The following ACSBG1 variants were observed in gnomAD, a reference collection of about 807,000 sequenced individuals.
The protein encoded by ACSBG1 is acyl-CoA synthetase bubblegum family member 1.
In ACSBG1, 39 loss-of-function variants were observed where a neutral mutation model predicts 80.2. That is an observed-to-expected ratio of 0.49 (90% confidence interval 0.38 to 0.64). The LOEUF (loss-of-function observed/expected upper bound fraction) is 0.64. ACSBG1 is among the 30% of genes least tolerant of loss of function. ACSBG1 has a pLI of 0.00. For missense variants in ACSBG1, 828 were observed against 966.4 expected (o/e 0.86, Z 1.90); for synonymous variants, 392 against 379.5 (o/e 1.03, Z -0.38).
At position 78,230,529 on chromosome 15, in the gene ACSBG1, G is replaced by A. The variant is rs149440235; in HGVS notation, c.131+3842C>T. On this transcript the variant is annotated intron_variant, in intron 1 of 13. Transcript: ENST00000258873. ...CCACAAGGTCAGGGCAAACGGGCAGGACTGAGATAGAGCCCTTCTGATATG... is the reference window on the plus strand; with the variant it reads ...CCACAAGGTCAGGGCAAACGGGCAGAACTGAGATAGAGCCCTTCTGATATG... Among the ~76,000 whole-genome samples, 47 of 152,352 alleles carry A rather than the reference G, an allele frequency of 3.1e-4. 1 individual carries two copies. The East Asian group carries it at 9.1e-3, about 29-fold the overall frequency.
intron 3 of ACSBG1, 145 bp from the exon 4 acceptor site, chr15:78,194,165 G>A: frequency 2.5e-6 from 2 of 787,086 alleles, no homozygotes; most frequent in Non-Finnish European, 4.2e-6. Flanking sequence ...CCTTGGAGGA[G>A]AAGGGGTTGG....
intron 1 of ACSBG1, among the ~76,000 whole-genome samples, chr15:78,230,800 A>T (rs1297177032): frequency 6.6e-6 from 1 of 152,096 alleles, no homozygotes; most frequent in Non-Finnish European, 1.5e-5. Flanking sequence ...AGCCACATGG[A>T]ACTGTAAGTC....
chr15:78,212,512 G>A (rs1306901456), intron 1 of ACSBG1: 1 of 455,058 alleles, frequency 2.2e-6, no homozygotes, highest in African/African-American at 2.0e-5. Context: ...TGGCTGCGGG[G>A]CAGGAGGCGG....
chr15:78,180,920 G>A lies in ACSBG1; in HGVS notation c.1088C>T (p.Thr363Met), dbSNP rs756551163. The change falls in exon 9 of 14, where the codon ACG becomes ATG. Residue 363 changes from threonine (T) to methionine (M), a missense_variant. Thr to Met is a moderately conservative substitution (Grantham distance 81). This residue lies in a region of ACSBG1 where 271 missense variants were observed against 375.9 expected (regional missense o/e 0.72). Coordinates refer to ENST00000258873, the MANE Select transcript of ACSBG1 (RefSeq NM_015162.5). ...PDALKGSLVN[T>M]LREVEPTSHM... ...TGATGTGGGCTCCACCTCCCGCAGC[G>A]TGTTCACCAGGCTCCCCTGTTCACA... 1.2e-5 allele frequency: 20 copies of A among 1,613,948 alleles called. No homozygotes were observed. The highest frequency in any genetic ancestry group is 4.0e-5 in the African/African-American group (3 of 74,940).
At chr15:78,187,763 A>G (rs1022679556) in intron 5 of ACSBG1, among the ~76,000 whole-genome samples, 4 of 152,338 alleles carry the variant, frequency 2.6e-5, no homozygotes, top group Middle Eastern at 6.8e-3. Flanking sequence ...GAAAACTGGC[A>G]CAAGACAGGG....
chr15:78,182,648 G>A, intron 6 of ACSBG1, 33 bp from the exon 7 acceptor site: 1 of 1,613,814 alleles, frequency 6.2e-7, no homozygotes, highest in Non-Finnish European at 8.5e-7. Flanking sequence ...GGCAGGCTAG[G>A]TCAGCTGGGT....
chr15:78,174,201 G>A (rs1204899613), intron 12 of ACSBG1, among the ~76,000 whole-genome samples, 184 bp downstream of exon 12: 2 of 152,238 alleles, frequency 1.3e-5, no homozygotes, highest in East Asian at 3.8e-4. Flanking sequence ...GGTGGCTTAT[G>A]TGGGACAGAA....
At position 78,178,798 on chromosome 15, in the gene ACSBG1, C is replaced by G; in HGVS notation, c.1518G>C (p.Lys506Asn). ...TGCCCTCTGCGTCCTGGTTCACCAGCTTCACCCGACAGCCGGGCACCAACT... is the reference window on the plus strand; with the variant it reads ...TGCCCTCTGCGTCCTGGTTCACCAGGTTCACCCGACAGCCGGGCACCAACT... ...SGKLVPGCRV[K>N]LVNQDAEGIG... The change falls in exon 11 of 14, where the codon AAG (lysine) becomes AAC (asparagine). Residue 506 changes from lysine to asparagine, a missense_variant. This residue lies in a region of ACSBG1 where 271 missense variants were observed against 375.9 expected (regional missense o/e 0.72). Transcript: ENST00000258873. The surrounding 1 kb of genome is among the most constrained non-coding windows in gnomAD (Gnocchi z 4.3). 2 of 1,613,538 alleles carry G rather than the reference C, an allele frequency of 1.2e-6. No homozygotes were observed. Among genetic ancestry groups the G allele is most frequent in the Non-Finnish European group, 8.5e-7 (1 of 1,180,030 alleles).
In ACSBG1 at chr15:78,193,562, A is replaced by C. The variant is rs1201074167; in HGVS notation, c.607T>G (p.Cys203Gly). ...TCGACCATGATGACATTGGCGCAGC[A>C]GTCATAAGCGATGTACTGGCAGGCC... ...PEACQYIAYD[C>G]CANVIMVDTQ... is the part of the protein sequence containing the mutation. Residue 203 changes from cysteine (C) to glycine (G), a missense_variant, in exon 5 of 14, where the codon TGC becomes GGC. By Grantham distance (159) the Cys-to-Gly change is radical. Around this residue, in one of 3 missense-constraint regions of ACSBG1, gnomAD observed 356 missense variants for 363.5 expected, o/e 0.98. Coordinates refer to ENST00000258873, the MANE Select transcript of ACSBG1 (RefSeq NM_015162.5). 6.2e-7 allele frequency: 1 copy of C among 1,613,798 alleles called. No individual in the cohort carries two copies. The highest frequency in any genetic ancestry group is 8.5e-7 in the Non-Finnish European group (1 of 1,179,780).
chr15:78,184,191 G>GGTTTTGTTT (rs1281568146), intron 5 of ACSBG1, among the ~76,000 whole-genome samples: 2 of 152,046 alleles, frequency 1.3e-5, no homozygotes, highest in Non-Finnish European at 2.9e-5. Flanking sequence ...TTGTTTTGTT[G>GGTTTTGTTT]GTTTTGTTTG....
In ACSBG1 at chr15:78,193,582, C is replaced by G; in HGVS notation, c.587G>C (p.Cys196Ser). 1 of 1,613,902 alleles carries G rather than the reference C, an allele frequency of 6.2e-7. No homozygotes were observed. The highest frequency in any genetic ancestry group is 1.1e-5 in the South Asian group (1 of 91,050). Residue 196 changes from cysteine (C) to serine (S), a missense_variant, in exon 5 of 14, where the codon TGC becomes TCC. This residue lies in a region of ACSBG1 where 356 missense variants were observed against 363.5 expected (regional missense o/e 0.98). Coordinates refer to ENST00000258873, the MANE Select transcript of ACSBG1 (RefSeq NM_015162.5). ...GIYTTSSPEA[C>S]QYIAYDCCAN... ...GCAGCAGTCATAAGCGATGTACTGG[C>G]AGGCCTCTGGGGAGCTGGTGGTGTA...
At chr15:78,192,739 TGGA>T (rs995992241) in intron 5 of ACSBG1, among the ~76,000 whole-genome samples, 8 of 152,302 alleles carry the variant, frequency 5.3e-5, no homozygotes, top group African/African-American at 1.7e-4. Context: ...CTTGGAAGGT[TGGA>T]GACCATTTGT....
At chr15:78,191,469 A>G (rs1370268147) in intron 5 of ACSBG1, among the ~76,000 whole-genome samples, 2 of 152,178 alleles carry the variant, frequency 1.3e-5, no homozygotes, top group East Asian at 3.8e-4. Context: ...CATTCTTTCA[A>G]ATATGCATGG....
At chr15:78,186,508 A>G (rs1002766479) in intron 5 of ACSBG1, among the ~76,000 whole-genome samples, 5 of 152,196 alleles carry the variant, frequency 3.3e-5, no homozygotes, top group Admixed American at 2.6e-4. Context: ...TAGAACTCAG[A>G]ATTAAGAAAC....
intron 1 of ACSBG1, among the ~76,000 whole-genome samples, chr15:78,210,815 T>C (rs1225051687): frequency 6.6e-6 from 1 of 152,206 alleles, no homozygotes; most frequent in South Asian, 2.1e-4. Flanking sequence ...GGTCTTGCTA[T>C]GTTGCCAGGC....
intron 13 of ACSBG1, 85 bp downstream of exon 13, chr15:78,173,508 T>G: frequency 6.5e-7 from 1 of 1,542,768 alleles, no homozygotes; most frequent in Non-Finnish European, 8.7e-7. Context: ...TTGCCGTGGC[T>G]GCTTCCTAAC....
chr15:78,193,939 A>C lies in ACSBG1; in HGVS notation c.535T>G (p.Phe179Val). 1.9e-6 allele frequency: 3 copies of C among 1,613,944 alleles called. No homozygotes were observed. Among genetic ancestry groups the C allele is most frequent in the Non-Finnish European group, 2.5e-6 (3 of 1,179,986 alleles). Residue 179 changes from phenylalanine to valine, a missense_variant, in exon 4 of 14, where the codon TTT becomes GTT. By Grantham distance (50) the Phe-to-Val change is conservative. Around this residue, in one of 3 missense-constraint regions of ACSBG1, gnomAD observed 356 missense variants for 363.5 expected, o/e 0.98. Transcript: ENST00000258873. Reference sequence around the variant, plus strand: ...CCTGCCCCCGCCACTCACCCTGCAAATACTGTGCCCACTGCCGAGAAGAAC... The same window carrying C: ...CCTGCCCCCGCCACTCACCCTGCAACTACTGTGCCCACTGCCGAGAAGAAC... ...EWFFSAVGTV[F>V]AGGIVTGIYT...
intron 5 of ACSBG1, among the ~76,000 whole-genome samples, chr15:78,191,301 CATA>C (rs1170032520): frequency 2.6e-5 from 4 of 152,160 alleles, no homozygotes; most frequent in African/African-American, 9.7e-5. Context: ...AGATGTCTAC[CATA>C]ATAATTGGAG....
chr15:78,197,601 C>T (rs2075126307), intron 2 of ACSBG1, among the ~76,000 whole-genome samples: 1 of 151,756 alleles, frequency 6.6e-6, no homozygotes, highest in African/African-American at 2.4e-5. Flanking sequence ...CATCTGTAAT[C>T]CCAACTACTT....
Sources: gnomAD v4.1 joint callset for allele counts (sites outside exome capture counted in the v4.1 genomes callset) on GRCh38, gnomAD v4.1.1 for gene constraint, gnomAD v4.1.1 regional missense constraint, Gnocchi (gnomAD v3.1) non-coding constraint, MANE v1.5 for transcripts, NCBI Gene and HGNC (gene_info 2026-07-23, HGNC 2026-07-21) for gene names.